The following PRMT3 variants were observed in gnomAD, a reference collection of about 807,000 sequenced individuals.
The protein encoded by PRMT3 is protein arginine methyltransferase 3.
Under a neutral mutation model 71.9 loss-of-function variants are expected in PRMT3, and 62 were observed. That is an observed-to-expected ratio of 0.86 (90% CI 0.70 to 1.07). PRMT3 has a LOEUF of 1.07. Among genes scored for constraint, PRMT3 ranks in the 50% least tolerant of loss-of-function variants. The pLI, the probability that PRMT3 is intolerant of heterozygous loss-of-function variation, is 0.00. For missense variants in PRMT3, 663 were observed against 643.0 expected, an observed-to-expected ratio of 1.03 and a Z score of -0.34; for synonymous variants, 213 against 220.4, an observed-to-expected ratio of 0.97 and a Z score of 0.30.
intron 5 of PRMT3, among the ~76,000 whole-genome samples, chr11:20,395,147 T>A (rs1848797179): frequency 6.6e-6 from 1 of 152,188 alleles, no homozygotes; most frequent in African/African-American, 2.4e-5. Flanking sequence ...TGTAATGATG[T>A]ACTGGAAAGA....
chr11:20,400,090 TC>T (rs1329799757), intron 7 of PRMT3, among the ~76,000 whole-genome samples: 1 of 152,212 alleles, frequency 6.6e-6, no homozygotes, highest in Non-Finnish European at 1.5e-5. Flanking sequence ...CAGCTTTATT[TC>T]TTGTTTCTTA....
At chr11:20,504,773 G>A (rs900320560) in intron 15 of PRMT3, among the ~76,000 whole-genome samples, 9 of 145,432 alleles carry the variant, frequency 6.2e-5, no homozygotes, top group South Asian at 2.2e-4. Context: ...TCGGTCTGTC[G>A]CCCAGGCTGG....
intron 10 of PRMT3, among the ~76,000 whole-genome samples, chr11:20,451,892 G>T (rs961298029): frequency 6.6e-6 from 1 of 152,080 alleles, no homozygotes; most frequent in African/African-American, 2.4e-5. Flanking sequence ...TAGAATCATA[G>T]ATAAAGAAAA....
chr11:20,392,517 A>G (rs945682758), intron 4 of PRMT3, among the ~76,000 whole-genome samples: 2 of 152,210 alleles, frequency 1.3e-5, no homozygotes, highest in Admixed American at 6.5e-5. Context: ...GTGTCAAATA[A>G]AGGGAAATAC....
At chr11:20,487,950 CAATA>C (rs1251024255) in intron 13 of PRMT3, among the ~76,000 whole-genome samples, 1 of 152,028 alleles carries the variant, frequency 6.6e-6, no homozygotes, top group Non-Finnish European at 1.5e-5. Flanking sequence ...TTGTGTTTTT[CAATA>C]AAAGTATTTT....
At chr11:20,474,571 C>T (rs1005604586) in intron 13 of PRMT3, among the ~76,000 whole-genome samples, 4 of 152,126 alleles carry the variant, frequency 2.6e-5, no homozygotes, top group African/African-American at 7.2e-5. Flanking sequence ...GACCGAAGGC[C>T]CTGGTGGTGT....
chr11:20,394,705 CA>C (rs1335447434), intron 5 of PRMT3, among the ~76,000 whole-genome samples: 3 of 152,298 alleles, frequency 2.0e-5, no homozygotes, highest in Admixed American at 2.0e-4. Context: ...AGAACTTACT[CA>C]TCTTGTAGCT....
chr11:20,500,508 A>G (rs1444459120), intron 15 of PRMT3, among the ~76,000 whole-genome samples: 1 of 152,222 alleles, frequency 6.6e-6, no homozygotes, highest in Non-Finnish European at 1.5e-5. Context: ...AAAAGGTTAT[A>G]TTAATCTAGG....
In PRMT3 at chr11:20,426,765, G is replaced by T; in HGVS notation, c.894-1G>T. On this transcript the variant is annotated splice_acceptor_variant, in intron 9 of 15. Coordinates refer to ENST00000331079, the MANE Select transcript of PRMT3 (RefSeq NM_005788.4). LOFTEE classifies it high-confidence loss of function. ...CTAATCTAATTCATTATAATTTTCA[G>T]ACTAAATAAACTTGAAGATACTATT... is the stretch of plus-strand genomic sequence containing the variant. The T allele has an allele frequency of 6.8e-7, 1 of 1,465,654 alleles. No homozygotes were observed. The highest frequency in any genetic ancestry group is 2.0e-4 in the Middle Eastern group (1 of 5,080). The allele number at this position is 1,465,654 out of a possible 1,614,324, so 90.8% of individuals were successfully genotyped here. A position where few individuals can be genotyped will look rare whatever the true frequency, so the allele number is the denominator to read the frequency against.
rs1590041352 is a variant in PRMT3, at chr11:20,408,092, AT to A, written c.893+64del. 48 of 1,277,152 alleles carry A rather than the reference AT, an allele frequency of 3.8e-5. No homozygotes were observed. The East Asian group carries it at 1.2e-3, about 33-fold the overall frequency. 79.1% of individuals were successfully genotyped at this position (1,277,152 alleles called of 1,614,324 possible). A position where few individuals can be genotyped will look rare whatever the true frequency, so the allele number is the denominator to read the frequency against. On this transcript the variant is annotated intron_variant, in intron 9 of 15. Coordinates refer to ENST00000331079, the MANE Select transcript of PRMT3 (RefSeq NM_005788.4). Reference sequence around the variant, plus strand: ...TTAAAATTTAATGATTATTTAATAGATTTTCTTGTCTTTAGTAGCTATCTAA... The same window carrying A: ...TTAAAATTTAATGATTATTTAATAGATTTCTTGTCTTTAGTAGCTATCTAA...
At chr11:20,396,013 C>A (rs771380510) in intron 6 of PRMT3, 51 bp downstream of exon 6, 1 of 1,553,712 alleles carries the variant, frequency 6.4e-7, no homozygotes, top group Non-Finnish European at 8.8e-7. Flanking sequence ...CAGAATAATA[C>A]AACCTAATGG....
At chr11:20,475,061 C>A (rs910122747) in intron 13 of PRMT3, among the ~76,000 whole-genome samples, 1 of 152,124 alleles carries the variant, frequency 6.6e-6, no homozygotes, top group Non-Finnish European at 1.5e-5. Flanking sequence ...CTGGGACATG[C>A]CTGTGAGCAC....
intron 13 of PRMT3, among the ~76,000 whole-genome samples, chr11:20,484,106 C>G (rs564787136): frequency 2.2e-4 from 34 of 152,246 alleles, no homozygotes; most frequent in African/African-American, 7.9e-4. Flanking sequence ...ATATTTCATG[C>G]CTTCTGTGCA....
intron 12 of PRMT3, among the ~76,000 whole-genome samples, chr11:20,463,274 CAA>C (rs1850429440): frequency 6.6e-6 from 1 of 152,260 alleles, no homozygotes; most frequent in African/African-American, 2.4e-5. Context: ...AGTTTCTTAA[CAA>C]GAGCAGGCTG....
chr11:20,479,251 A>T lies in PRMT3; in HGVS notation c.1348-14668A>T, dbSNP rs532730603. ...GCTTAGGTGGTGGTGCGAACATTTAAATCTCTTCGTTTATTCTCAGGAAAC... is the reference window on the plus strand; with the variant it reads ...GCTTAGGTGGTGGTGCGAACATTTATATCTCTTCGTTTATTCTCAGGAAAC... On this transcript the variant is annotated intron_variant, in intron 13 of 15. Transcript: ENST00000331079. 3.3e-5 allele frequency among the ~76,000 whole-genome samples: 5 copies of T among 152,282 alleles called. No homozygotes were observed. The South Asian group carries it at 1.0e-3, about 32-fold the overall frequency.
intron 13 of PRMT3, among the ~76,000 whole-genome samples, chr11:20,479,371 T>C (rs1850873632): frequency 6.6e-6 from 1 of 152,222 alleles, no homozygotes; most frequent in Admixed American, 6.6e-5. Context: ...GAGGCATTAA[T>C]AGTGGAAACA....
intron 5 of PRMT3, among the ~76,000 whole-genome samples, chr11:20,394,102 T>C (rs1161474468): frequency 2.0e-5 from 3 of 152,196 alleles, no homozygotes; most frequent in Non-Finnish European, 4.4e-5. Context: ...TTTGTCCTAA[T>C]TCCAAGGACG....
At chr11:20,504,828 G>C (rs1851552680) in intron 15 of PRMT3, among the ~76,000 whole-genome samples, 2 of 151,806 alleles carry the variant, frequency 1.3e-5, no homozygotes, top group East Asian at 1.9e-4. Flanking sequence ...CCACCTCCTG[G>C]GTTCAGGCCA....
intron 9 of PRMT3, among the ~76,000 whole-genome samples, chr11:20,420,227 A>G (rs1303902182): frequency 6.6e-6 from 1 of 152,220 alleles, no homozygotes; most frequent in African/African-American, 2.4e-5. Flanking sequence ...TATTCTAGGA[A>G]TGCAAAGTTG....
Sources: gnomAD v4.1 joint callset for allele counts (sites outside exome capture counted in the v4.1 genomes callset) on GRCh38, gnomAD v4.1.1 for gene constraint, MANE v1.5 for transcripts, NCBI Gene and HGNC (gene_info 2026-07-23, HGNC 2026-07-21) for gene names.